The following DPP4 variants were observed in gnomAD, a reference collection of about 807,000 sequenced individuals.
DPP4 encodes the protein ADCP-2.
A neutral mutation model predicts 122.4 loss-of-function variants in DPP4; 93 were observed. The ratio of observed to expected loss-of-function variants is 0.76; its 90% CI spans 0.64 to 0.90. The LOEUF (loss-of-function observed/expected upper bound fraction) is 0.90. Ranked by LOEUF, DPP4 falls within the 40% of genes least tolerant of loss-of-function variation. The pLI, the probability that DPP4 is intolerant of heterozygous loss-of-function variation, is 0.00. For missense variants in DPP4, 914 were observed against 907.3 expected (o/e 1.01, Z -0.09); for synonymous variants, 321 against 302.9 (o/e 1.06, Z -0.62).
intron 2 of DPP4, among the ~76,000 whole-genome samples, chr2:162,063,395 G>GTAAAT (rs1684848418): frequency 1.3e-5 from 2 of 152,104 alleles, no homozygotes; most frequent in African/African-American, 4.8e-5. Flanking sequence ...GGTATTTGAG[G>GTAAAT]CCATGGGAGT....
At chr2:162,044,034 A>C (rs936703183) in intron 5 of DPP4, among the ~76,000 whole-genome samples, 1 of 152,296 alleles carries the variant, frequency 6.6e-6, no homozygotes, top group South Asian at 2.1e-4. Context: ...TCTCAAAAAA[A>C]GAAAAAAAGA....
intron 10 of DPP4, among the ~76,000 whole-genome samples, chr2:162,030,175 T>G (rs773800502): frequency 7.2e-5 from 11 of 152,226 alleles, no homozygotes; most frequent in Non-Finnish European, 1.5e-4. Flanking sequence ...TTCCTTCAAA[T>G]TTTTGAGCTT....
Position 162,039,005 on chromosome 2 carries a change from C to T in DPP4, c.436G>A (p.Glu146Lys). ...CACTGTGTGTTGTTTGGAATCCTCTCTTCTGTAATCAGCTGCCTGGAAAAA... is the reference window on the plus strand; with the variant it reads ...CACTGTGTGTTGTTTGGAATCCTCTTTTCTGTAATCAGCTGCCTGGAAAAA... The part of the protein sequence containing the change: ...DLNKRQLITE[E>K]RIPNNTQWVT... Residue 146 changes from glutamate to lysine, a missense_variant, in exon 7 of 26, where the codon GAG becomes AAG. By Grantham distance (56) the Glu-to-Lys change is moderately conservative (BLOSUM62 1). Transcript: ENST00000360534. 6.2e-7 allele frequency: 1 copy of T among 1,613,368 alleles called. No individual in the cohort carries two copies. Among genetic ancestry groups the T allele is most frequent in the South Asian group, 1.1e-5 (1 of 91,058 alleles).
chr2:162,048,011 A>C (rs1198236363), intron 2 of DPP4, among the ~76,000 whole-genome samples: 1 of 152,090 alleles, frequency 6.6e-6, no homozygotes, highest in Non-Finnish European at 1.5e-5. Context: ...GTACATTTTA[A>C]GTCAATAGTT....
chr2:162,030,604 T>A (rs1683511068), intron 10 of DPP4, among the ~76,000 whole-genome samples: 1 of 152,184 alleles, frequency 6.6e-6, no homozygotes, highest in Non-Finnish European at 1.5e-5. Context: ...TTGGCCCTGC[T>A]GGATCTTTGC....
At chr2:162,045,661 C>A (rs112912302) in intron 4 of DPP4, 49 bp from the exon 5 acceptor site, 1 of 1,358,198 alleles carries the variant, frequency 7.4e-7, no homozygotes, top group African/African-American at 1.4e-5. Flanking sequence ...CATTTCATTG[C>A]CATCACTGTG....
At chr2:162,000,608 C>T (rs1177039553) in intron 23 of DPP4, among the ~76,000 whole-genome samples, 1 of 152,212 alleles carries the variant, frequency 6.6e-6, no homozygotes, top group East Asian at 1.9e-4. Context: ...TTTTGCATAA[C>T]CTAACGATGC....
At chr2:162,018,960 T>C in intron 15 of DPP4, 110 bp from the exon 16 acceptor site, 6 of 1,396,506 alleles carry the variant, frequency 4.3e-6, no homozygotes, top group Non-Finnish European at 5.8e-6. Context: ...CAACGCAATC[T>C]TTAGGACTTT....
intron 2 of DPP4, among the ~76,000 whole-genome samples, chr2:162,048,225 C>T (rs1054999027): frequency 2.0e-5 from 3 of 152,168 alleles, no homozygotes; most frequent in African/African-American, 7.2e-5. Context: ...TATTCTACCA[C>T]TGGTGACCCA....
intron 10 of DPP4, among the ~76,000 whole-genome samples, chr2:162,026,990 A>G (rs1489863343): frequency 6.6e-6 from 1 of 152,228 alleles, no homozygotes; most frequent in Non-Finnish European, 1.5e-5. Flanking sequence ...GCCAGAGACC[A>G]TAATTAAATG....
intron 2 of DPP4, among the ~76,000 whole-genome samples, chr2:162,064,885 C>T (rs1329548142): frequency 1.3e-5 from 2 of 152,200 alleles, no homozygotes; most frequent in African/African-American, 4.8e-5. Context: ...AGAATTACAG[C>T]TCCAGATTTT....
intron 23 of DPP4, among the ~76,000 whole-genome samples, chr2:162,001,573 C>G (rs913291926): frequency 2.0e-5 from 3 of 152,168 alleles, no homozygotes; most frequent in Non-Finnish European, 4.4e-5. Flanking sequence ...ATTAAAACGC[C>G]AGGCACCTTG....
At position 162,073,454 on chromosome 2, in the gene DPP4, A is replaced by T. The variant is rs1576079989; in HGVS notation, c.39T>A (p.Gly13=). ...TGATGATGGTGACAAGCGCAGCAGC[A>T]CCCAGCAGTCCCAGAAGAACCTTCC... ...TPWKVLLGLL[G]AAALVTIITV... The change falls in exon 2 of 26, where the codon GGT becomes GGA. Residue 13 remains glycine, a synonymous_variant. Transcript: ENST00000360534. The T allele has an allele frequency of 2.5e-6, 4 of 1,613,900 alleles. No homozygotes were observed. The African/African-American group carries it at 4.0e-5, about 16-fold the overall frequency.
intron 2 of DPP4, 75 bp downstream of exon 2, chr2:162,073,323 GT>G: frequency 6.7e-7 from 1 of 1,489,968 alleles, no homozygotes; most frequent in Non-Finnish European, 9.3e-7. Context: ...AAAATCCCTC[GT>G]TTCCCTTAGC....
At chr2:162,023,019 G>A (rs907992116) in intron 11 of DPP4, among the ~76,000 whole-genome samples, 3 of 152,086 alleles carry the variant, frequency 2.0e-5, no homozygotes, top group Admixed American at 1.3e-4. Context: ...AGCTCCACTG[G>A]TGTTTTAAAT....
chr2:162,028,385 G>A (rs1424428513), intron 10 of DPP4, among the ~76,000 whole-genome samples: 1 of 152,100 alleles, frequency 6.6e-6, no homozygotes, highest in Non-Finnish European at 1.5e-5. Context: ...AAAGCCAATG[G>A]CTCAATTGTA....
chr2:162,000,219 G>A (rs998214759), intron 23 of DPP4, among the ~76,000 whole-genome samples: 1 of 152,006 alleles, frequency 6.6e-6, no homozygotes, highest in Non-Finnish European at 1.5e-5. Flanking sequence ...AACCAAAGCT[G>A]CATAAATAAT....
At chr2:162,034,427 T>C (rs1446011832) in intron 9 of DPP4, among the ~76,000 whole-genome samples, 1 of 152,142 alleles carries the variant, frequency 6.6e-6, no homozygotes, top group Non-Finnish European at 1.5e-5. Context: ...AAATGGCAGC[T>C]CTTCATAAAG....
chr2:161,993,211 C>T lies in DPP4; in HGVS notation c.*72G>A. On this transcript the variant is annotated 3_prime_UTR_variant, in exon 26 of 26. Transcript: ENST00000360534. Reference sequence around the variant, plus strand: ...ATTTTAAAGATCATCATCATCTTGACAGTGCAGTTTTGAGATAATGAAAAC... The same window carrying T: ...ATTTTAAAGATCATCATCATCTTGATAGTGCAGTTTTGAGATAATGAAAAC... 8.8e-7 allele frequency: 1 copy of T among 1,142,544 alleles called. No individual in the cohort carries two copies. Among genetic ancestry groups the T allele is most frequent in the Admixed American group, 1.7e-5 (1 of 57,894 alleles). The allele number at this position is 1,142,544 out of a possible 1,614,324, so 70.8% of individuals were successfully genotyped here.
Sources: gnomAD v4.1 joint callset for allele counts (sites outside exome capture counted in the v4.1 genomes callset) on GRCh38, gnomAD v4.1.1 for gene constraint, MANE v1.5 for transcripts, NCBI Gene and HGNC (gene_info 2026-07-23, HGNC 2026-07-21) for gene names.